The following MTCL3 variants were observed in gnomAD, a reference collection of about 807,000 sequenced individuals.
The protein encoded by MTCL3 is MTCL family member 3.
chr6:127,508,287 A>G, the MTCL3 span, among the ~76,000 whole-genome samples: 1 of 152,254 alleles, frequency 6.6e-6, no homozygotes, highest in Non-Finnish European at 1.5e-5. Context: ...TATATAAGAA[A>G]ATAAATAGGT....
chr6:127,488,073 A>G, the MTCL3 span, among the ~76,000 whole-genome samples: 17 of 150,640 alleles, frequency 1.1e-4, no homozygotes, highest in African/African-American at 3.9e-4. Context: ...CTCCCACCAC[A>G]CTCCTCACTG....
the MTCL3 span, among the ~76,000 whole-genome samples, chr6:127,476,676 CAA>C: frequency 6.6e-6 from 1 of 151,818 alleles, no homozygotes; most frequent in Non-Finnish European, 1.5e-5. This position sits in a 1 kb window ranked among gnomAD's most constrained non-coding sequence, Gnocchi z 4.4. Context: ...ATCCTGGAAG[CAA>C]AAAGGAAAAG....
chr6:127,509,529 G>T, the MTCL3 span, among the ~76,000 whole-genome samples: 2 of 152,186 alleles, frequency 1.3e-5, no homozygotes, highest in Non-Finnish European at 2.9e-5. Context: ...GGAATTGGAG[G>T]ATTGCTTCTC....
chr6:127,513,360 ATT>A, the MTCL3 span, among the ~76,000 whole-genome samples: 1 of 152,198 alleles, frequency 6.6e-6, no homozygotes, highest in Non-Finnish European at 1.5e-5. Flanking sequence ...CTGGCTCTAA[ATT>A]TTGTTCCCTT....
At chr6:127,488,103 A>G in the MTCL3 span, among the ~76,000 whole-genome samples, 1 of 152,160 alleles carries the variant, frequency 6.6e-6, no homozygotes, top group Admixed American at 6.5e-5. Context: ...CTCTAGTGTC[A>G]CAGGCATCCT....
the MTCL3 span, among the ~76,000 whole-genome samples, chr6:127,500,825 T>C: frequency 6.6e-6 from 1 of 152,312 alleles, no homozygotes; most frequent in South Asian, 2.1e-4. Context: ...AAGAATTTTT[T>C]TTTTTGAGAT....
the MTCL3 span, chr6:127,516,383 G>A: frequency 6.2e-7 from 1 of 1,600,164 alleles, no homozygotes; most frequent in Admixed American, 1.7e-5. Flanking sequence ...TGCTGTTGCT[G>A]CTGCTGCAGC....
the MTCL3 span, among the ~76,000 whole-genome samples, chr6:127,514,630 C>G: frequency 6.6e-6 from 1 of 152,244 alleles, no homozygotes; most frequent in Non-Finnish European, 1.5e-5. Flanking sequence ...CCTCCACACA[C>G]TCTGCACTCT....
the MTCL3 span, chr6:127,476,169 C>A: frequency 6.2e-7 from 1 of 1,614,180 alleles, no homozygotes; most frequent in South Asian, 1.1e-5. This position sits in a 1 kb window ranked among gnomAD's most constrained non-coding sequence, Gnocchi z 4.4. Context: ...TAAGGTCGTC[C>A]AGTTCCGCCT....
chr6:127,504,681 T>C, the MTCL3 span, among the ~76,000 whole-genome samples: 1 of 152,288 alleles, frequency 6.6e-6, no homozygotes, highest in African/African-American at 2.4e-5. Flanking sequence ...ATTGAGGTCT[T>C]TTCTGCATGA....
At chr6:127,494,939 T>C in the MTCL3 span, among the ~76,000 whole-genome samples, 4 of 152,264 alleles carry the variant, frequency 2.6e-5, no homozygotes, top group Middle Eastern at 3.4e-3. Flanking sequence ...GGCTCACACC[T>C]GTAATCCCAG....
At chr6:127,508,935 C>T in the MTCL3 span, among the ~76,000 whole-genome samples, 4 of 152,212 alleles carry the variant, frequency 2.6e-5, no homozygotes, top group Non-Finnish European at 5.9e-5. Context: ...TGTCCAAAGC[C>T]TCCTCCACAA....
chr6:127,498,823 G>A, the MTCL3 span, among the ~76,000 whole-genome samples: 1 of 151,986 alleles, frequency 6.6e-6, no homozygotes, highest in African/African-American at 2.4e-5. Context: ...GGTACAAAAG[G>A]TTACATATTT....
the MTCL3 span, chr6:127,516,765 G>T: frequency 1.5e-6 from 2 of 1,327,044 alleles, no homozygotes; most frequent in South Asian, 1.5e-5. Context: ...AGCAAAGGGT[G>T]ATATTGCTCC....
At chr6:127,477,829 C>T in the MTCL3 span, among the ~76,000 whole-genome samples, 40 of 151,992 alleles carry the variant, frequency 2.6e-4, no homozygotes, top group African/African-American at 8.2e-4. Context: ...TCCCCTTTAC[C>T]GATAGGGGAG....
At chr6:127,514,976 T>C in the MTCL3 span, 9 of 1,614,186 alleles carry the variant, frequency 5.6e-6, no homozygotes, top group Non-Finnish European at 7.6e-6. Context: ...TTTCCTGCAG[T>C]TGACAGGCAT....
chr6:127,506,613 T>C, the MTCL3 span, among the ~76,000 whole-genome samples: 9,807 of 152,204 alleles, frequency 0.064, 376 homozygotes, highest in East Asian at 0.11. Context: ...TACGGAGACT[T>C]GCTCTGTCCC....
At chr6:127,485,443 C>A in the MTCL3 span, among the ~76,000 whole-genome samples, 1 of 152,066 alleles carries the variant, frequency 6.6e-6, no homozygotes, top group African/African-American at 2.4e-5. Flanking sequence ...TTATCTTATT[C>A]AGGTCAAATT....
chr6:127,478,755 A>G, the MTCL3 span, among the ~76,000 whole-genome samples: 20 of 152,284 alleles, frequency 1.3e-4, no homozygotes, highest in African/African-American at 4.6e-4. Context: ...GCGGTCACTC[A>G]TGCCTGTAAT....
Sources: allele counts gnomAD v4.1 joint callset (sites outside exome capture counted in the v4.1 genomes callset), GRCh38; gene constraint gnomAD v4.1.1; non-coding constraint Gnocchi (gnomAD v3.1); transcripts MANE v1.5; gene names NCBI Gene and HGNC (gene_info 2026-07-23, HGNC 2026-07-21).